The following PCDH11X variants were observed in gnomAD, a reference collection of about 807,000 sequenced individuals.
PCDH11X encodes protocadherin-11 X-linked.
In PCDH11X, 18 loss-of-function variants were observed where a neutral mutation model predicts 53.3. The ratio of observed to expected loss-of-function variants is 0.34; its 90% confidence interval spans 0.23 to 0.50. The LOEUF is 0.50. PCDH11X is among the 20% of genes least tolerant of loss of function. The pLI is 0.98. For missense variants in PCDH11X, 570 were observed against 1,032.4 expected (o/e 0.55, Z 6.14); for synonymous variants, 279 against 393.3 (o/e 0.71, Z 3.44).
intron 6 of PCDH11X, among the ~76,000 whole-genome samples, chrX:91,901,454 C>A: frequency 9.0e-6 from 1 of 111,600 alleles, no homozygotes. Context: ...CCTCAAATGC[C>A]ACCGTTCAGT....
intron 8 of PCDH11X, among the ~76,000 whole-genome samples, chrX:92,381,348 C>T (rs1453260534): frequency 9.0e-6 from 1 of 110,947 alleles, no homozygotes; most frequent in Non-Finnish European, 1.9e-5. Context: ...CTAATGAACA[C>T]CAGGTAAAAA....
At chrX:92,337,432 G>A (rs1340694928) in intron 8 of PCDH11X, among the ~76,000 whole-genome samples, 3 of 108,844 alleles carry the variant, frequency 2.8e-5, no homozygotes, top group Admixed American at 2.0e-4. Context: ...GTATCCATTA[G>A]CATCACAGGA....
intron 7 of PCDH11X, among the ~76,000 whole-genome samples, chrX:92,256,225 C>T (rs900932468): frequency 8.9e-6 from 1 of 111,802 alleles, no homozygotes; most frequent in South Asian, 3.8e-4. Context: ...TCCGTCACCC[C>T]TTTCTTTGAT....
intron 8 of PCDH11X, among the ~76,000 whole-genome samples, chrX:92,276,379 T>C (rs944358250): frequency 9.2e-6 from 1 of 108,382 alleles, no homozygotes; most frequent in African/African-American, 3.4e-5. Flanking sequence ...TGGGCCAGAG[T>C]TCCAGGGGCT....
intron 8 of PCDH11X, among the ~76,000 whole-genome samples, chrX:92,315,806 G>C (rs1334012394): frequency 9.1e-6 from 1 of 109,887 alleles, no homozygotes; most frequent in Non-Finnish European, 1.9e-5. Context: ...AAAGTGCTGG[G>C]ATTACAGGGG....
At chrX:92,320,373 C>G (rs1038723118) in intron 8 of PCDH11X, among the ~76,000 whole-genome samples, 1 of 110,800 alleles carries the variant, frequency 9.0e-6, no homozygotes, top group Non-Finnish European at 1.9e-5. Context: ...GCAGATCTAA[C>G]AAATGGACAA....
intron 8 of PCDH11X, among the ~76,000 whole-genome samples, chrX:92,330,463 C>A (rs1468859949): frequency 1.8e-5 from 2 of 111,066 alleles, no homozygotes; most frequent in African/African-American, 6.5e-5. Flanking sequence ...CTGGAACTCT[C>A]TTACACTGCT....
At chrX:92,431,798 G>C (rs2072256151) in intron 9 of PCDH11X, among the ~76,000 whole-genome samples, 1 of 108,619 alleles carries the variant, frequency 9.2e-6, no homozygotes, top group Non-Finnish European at 1.9e-5. Context: ...CTTATATCTA[G>C]AAGCTCATCT....
chrX:91,987,598 A>T (rs1275525049), intron 6 of PCDH11X, among the ~76,000 whole-genome samples: 2 of 111,425 alleles, frequency 1.8e-5, no homozygotes, highest in Non-Finnish European at 3.8e-5. Flanking sequence ...ACTATCCACT[A>T]TGAAGATTTT....
At chrX:91,788,550 A>G (rs1167300499) in intron 1 of PCDH11X, among the ~76,000 whole-genome samples, 1 of 112,079 alleles carries the variant, frequency 8.9e-6, no homozygotes, top group Non-Finnish European at 1.9e-5. Context: ...AGTTTTAAAT[A>G]TAATCTGGGG....
At chrX:91,861,232 C>T (rs1012971939) in intron 5 of PCDH11X, among the ~76,000 whole-genome samples, 6 of 111,641 alleles carry the variant, frequency 5.4e-5, no homozygotes, top group Non-Finnish European at 7.5e-5. Context: ...AGGAATTTAT[C>T]GATTTCTTCT....
At chrX:91,973,660 G>A (rs1192337183) in intron 6 of PCDH11X, among the ~76,000 whole-genome samples, 1 of 98,687 alleles carries the variant, frequency 1.0e-5, no homozygotes, top group African/African-American at 3.7e-5. Flanking sequence ...TGTCGCCCAG[G>A]CTGGAGTGCA....
intron 6 of PCDH11X, among the ~76,000 whole-genome samples, chrX:92,032,654 T>C (rs1440310429): frequency 9.0e-6 from 1 of 110,501 alleles, no homozygotes; most frequent in African/African-American, 3.3e-5. Context: ...GAGGTATGTT[T>C]CTTCTATCCC....
intron 9 of PCDH11X, among the ~76,000 whole-genome samples, chrX:92,418,594 A>T (rs2071874257): frequency 9.3e-6 from 1 of 106,974 alleles, no homozygotes. Flanking sequence ...TTATTGATTT[A>T]TGTTTTTGTT....
At chrX:91,791,683 G>GTTTTT (rs201876042) in intron 1 of PCDH11X, among the ~76,000 whole-genome samples, 102 of 94,335 alleles carry the variant, frequency 1.1e-3, no homozygotes, top group African/African-American at 4.1e-3. Flanking sequence ...TCTTTTTAGG[G>GTTTTT]TTTTTTTTTT....
rs79425686 is a variant in PCDH11X, at chrX:92,094,411, C to T, written c.3034-106964C>T. On this transcript the variant is annotated intron_variant, in intron 6 of 10. Transcript: ENST00000682573. ...TAGAGATTTGATTTTGAGCCATAAC[C>T]TCTTGCTTAAAAGTATTCTTATGCC... 8.2e-5 allele frequency among the ~76,000 whole-genome samples: 9 copies of T among 110,249 alleles called. No homozygotes were observed. In the East Asian group the frequency reaches 2.6e-3, roughly 31 times the overall value.
At chrX:92,119,708 T>G (rs2064714466) in intron 6 of PCDH11X, among the ~76,000 whole-genome samples, 1 of 111,817 alleles carries the variant, frequency 8.9e-6, no homozygotes, top group South Asian at 3.7e-4. Flanking sequence ...ATTTACATAA[T>G]GCATGTTTTC....
chrX:92,063,192 G>A (rs1405071757), intron 6 of PCDH11X, among the ~76,000 whole-genome samples: 2 of 107,664 alleles, frequency 1.9e-5, no homozygotes, highest in African/African-American at 6.8e-5. Context: ...GGCCTGTCGG[G>A]GGGTGGGGGG....
chrX:92,308,387 C>T (rs2068875522), intron 8 of PCDH11X, among the ~76,000 whole-genome samples: 1 of 111,354 alleles, frequency 9.0e-6, no homozygotes, highest in Non-Finnish European at 1.9e-5. Flanking sequence ...AGTACCAAGA[C>T]TTTTGAATAG....
Sources: allele counts gnomAD v4.1 joint callset (sites outside exome capture counted in the v4.1 genomes callset), GRCh38; gene constraint gnomAD v4.1.1; transcripts MANE v1.5; gene names NCBI Gene and HGNC (gene_info 2026-07-23, HGNC 2026-07-21).